The following TRIO variants were observed in gnomAD, a reference collection of about 807,000 sequenced individuals.
TRIO encodes trio Rho guanine nucleotide exchange factor, also known as triple functional domain protein.
In TRIO, 58 loss-of-function variants were observed where a neutral mutation model predicts 351.9. That is an observed-to-expected ratio of 0.16 (90% CI 0.13 to 0.21). TRIO has a LOEUF of 0.21. TRIO is among the 10% of genes least tolerant of loss of function. TRIO has a pLI of 1.00. For synonymous variants in TRIO, 1,758 were observed against 1,595.7 expected (o/e 1.10, Z -2.42); for missense variants, 3,201 against 4,027.8 (o/e 0.79, Z 5.56).
intron 34 of TRIO, among the ~76,000 whole-genome samples, chr5:14,450,845 G>T (rs1023215952): frequency 1.3e-5 from 2 of 152,174 alleles, no homozygotes; most frequent in Admixed American, 1.3e-4. Context: ...CCCTGGGGAC[G>T]CAGTGTCCAT....
intron 1 of TRIO, among the ~76,000 whole-genome samples, chr5:14,167,088 G>C (rs569634327): frequency 6.6e-6 from 1 of 151,444 alleles, no homozygotes; most frequent in Admixed American, 6.6e-5. Flanking sequence ...CCGATCACTG[G>C]GTTTGATCAG....
intron 18 of TRIO, among the ~76,000 whole-genome samples, chr5:14,372,941 C>G (rs966905221): frequency 2.6e-5 from 4 of 152,208 alleles, no homozygotes; most frequent in African/African-American, 9.6e-5. Context: ...GTTTAGTTGA[C>G]TCACAGTTCC....
intron 34 of TRIO, among the ~76,000 whole-genome samples, chr5:14,448,662 C>A (rs1425469684): frequency 2.0e-5 from 3 of 152,176 alleles, no homozygotes; most frequent in Admixed American, 2.0e-4. Flanking sequence ...ATGTGGACTG[C>A]GCGTTAGGAG....
At chr5:14,233,758 T>C (rs895905042) in intron 1 of TRIO, among the ~76,000 whole-genome samples, 1 of 74,364 alleles carries the variant, frequency 1.3e-5, no homozygotes, top group African/African-American at 4.6e-5. Context: ...CAGGCTATTT[T>C]TTGTTTTGTT....
At chr5:14,348,243 G>T (rs1247746073) in intron 11 of TRIO, among the ~76,000 whole-genome samples, 1 of 152,212 alleles carries the variant, frequency 6.6e-6, no homozygotes, top group South Asian at 2.1e-4. Context: ...ATATATTCCA[G>T]AATGATCATC....
At chr5:14,222,043 C>A (rs1413184669) in intron 1 of TRIO, among the ~76,000 whole-genome samples, 2 of 152,128 alleles carry the variant, frequency 1.3e-5, no homozygotes, top group African/African-American at 4.8e-5. Flanking sequence ...AGCCACCACC[C>A]TGAGCAGTCA....
intron 33 of TRIO, among the ~76,000 whole-genome samples, chr5:14,417,892 A>G (rs943740083): frequency 1.3e-5 from 2 of 152,202 alleles, no homozygotes; most frequent in Non-Finnish European, 2.9e-5. Context: ...CAGGCTGAGG[A>G]GGAGACCCAC....
In TRIO at chr5:14,461,223, G is replaced by A; in HGVS notation, c.5408G>A (p.Ser1803Asn). 1 of 1,576,228 alleles carries A rather than the reference G, an allele frequency of 6.3e-7. No homozygotes were observed. Among genetic ancestry groups the A allele is most frequent in the Non-Finnish European group, 8.6e-7 (1 of 1,161,982 alleles). Residue 1803 changes from serine to asparagine, a missense_variant, in exon 35 of 57, where the codon AGC becomes AAC. By Grantham distance (46) the Ser-to-Asn change is conservative (BLOSUM62 1). Around this residue, in one of 19 missense-constraint regions of TRIO, gnomAD observed 193 missense variants for 218.8 expected, o/e 0.88. Transcript: ENST00000344204. ...VKKLAHKHKK[S>N]REVRKSADAG... ...AAGCTGGCGCACAAGCACAAGAAGA[G>A]CCGCGAGGTCCGCAAGAGCGCCGAC... is the stretch of plus-strand genomic sequence containing the variant.
In TRIO at chr5:14,487,017, G is replaced by A. The variant is rs529372011; in HGVS notation, c.6836-447G>A. On this transcript the variant is annotated intron_variant, in intron 47 of 56. Transcript: ENST00000344204. Reference sequence around the variant, plus strand: ...AAGTCAAGAGATGGGACAGCCTCCCGCTCCAGGGGCCTCTAGTAGCTCCTT... The same window carrying A: ...AAGTCAAGAGATGGGACAGCCTCCCACTCCAGGGGCCTCTAGTAGCTCCTT... Among the ~76,000 whole-genome samples the A allele has an allele frequency of 8.5e-5, 13 of 152,264 alleles. No individual in the cohort carries two copies. The South Asian group carries it at 2.1e-3, about 24-fold the overall frequency.
intron 10 of TRIO, among the ~76,000 whole-genome samples, chr5:14,334,619 A>G (rs1293718930): frequency 6.6e-6 from 1 of 152,196 alleles, no homozygotes; most frequent in Non-Finnish European, 1.5e-5. Flanking sequence ...AGCTCTTTAG[A>G]AATGTGCGTC....
At chr5:14,318,412 A>T (rs1739572830) in intron 9 of TRIO, among the ~76,000 whole-genome samples, 1 of 150,918 alleles carries the variant, frequency 6.6e-6, no homozygotes, top group South Asian at 2.1e-4. Context: ...CCAAGATCAC[A>T]CAACTCCACT....
chr5:14,163,263 A>G (rs965460232), intron 1 of TRIO, among the ~76,000 whole-genome samples: 5 of 152,100 alleles, frequency 3.3e-5, no homozygotes, highest in Non-Finnish European at 5.9e-5. Flanking sequence ...AAGTGAGAAC[A>G]TGTGGTGTTT....
intron 27 of TRIO, among the ~76,000 whole-genome samples, chr5:14,391,683 T>C (rs1383636200): frequency 6.6e-6 from 1 of 152,252 alleles, no homozygotes; most frequent in African/African-American, 2.4e-5. Context: ...TAAGGTGCTA[T>C]TGAATAGTGT....
At chr5:14,499,488 A>G (rs1021520322) in intron 53 of TRIO, among the ~76,000 whole-genome samples, 1 of 152,244 alleles carries the variant, frequency 6.6e-6, no homozygotes, top group African/African-American at 2.4e-5. Flanking sequence ...CAAATGAAAG[A>G]TAAATTGAGT....
chr5:14,353,962 T>C (rs1306142458), intron 11 of TRIO, among the ~76,000 whole-genome samples: 1 of 152,194 alleles, frequency 6.6e-6, no homozygotes. Flanking sequence ...GAAGAGGAAT[T>C]TTGCAGAGGT....
chr5:14,213,308 T>C (rs930516457), intron 1 of TRIO, among the ~76,000 whole-genome samples: 1 of 150,556 alleles, frequency 6.6e-6, no homozygotes, highest in African/African-American at 2.4e-5. Context: ...TAAACTAATA[T>C]TGGTATATAT....
intron 9 of TRIO, among the ~76,000 whole-genome samples, chr5:14,326,200 A>G (rs1244939445): frequency 6.6e-6 from 1 of 152,188 alleles, no homozygotes; most frequent in Non-Finnish European, 1.5e-5. Flanking sequence ...CACTGCACAC[A>G]CAGCCTTAGG....
At chr5:14,438,577 G>T (rs747821067) in intron 34 of TRIO, among the ~76,000 whole-genome samples, 3 of 152,288 alleles carry the variant, frequency 2.0e-5, no homozygotes, top group Non-Finnish European at 4.4e-5. Context: ...CCCACGGTCT[G>T]TTGAGGTCAC....
At chr5:14,353,845 C>T (rs976844743) in intron 11 of TRIO, among the ~76,000 whole-genome samples, 17 of 152,184 alleles carry the variant, frequency 1.1e-4, no homozygotes, top group African/African-American at 3.1e-4. Flanking sequence ...ATCGTGCATC[C>T]GGCCAGTTCT....
Sources: allele counts gnomAD v4.1 joint callset (sites outside exome capture counted in the v4.1 genomes callset), GRCh38; gene constraint gnomAD v4.1.1; regional missense constraint gnomAD v4.1.1; transcripts MANE v1.5; gene names NCBI Gene and HGNC (gene_info 2026-07-23, HGNC 2026-07-21).